The following KCNH2 variants were observed in gnomAD, a reference collection of about 807,000 sequenced individuals.
The protein encoded by KCNH2 is potassium voltage-gated channel subfamily H member 2.
KCNH2 carries 35 observed loss-of-function variants against 95.9 expected under a neutral mutation model. That is an observed-to-expected ratio of 0.37 (90% CI 0.28 to 0.48). KCNH2 has a LOEUF of 0.48. Among genes scored for constraint, KCNH2 ranks in the 20% least tolerant of loss-of-function variants. The pLI is 0.99. For missense variants in KCNH2, 1,274 were observed against 1,702.9 expected (o/e 0.75, Z 4.43); for synonymous variants, 786 against 754.7 (o/e 1.04, Z -0.68).
At position 150,977,951 on chromosome 7, in the gene KCNH2, C is replaced by CCCCGG. The variant is rs747534042; in HGVS notation, c.-43_-39dup. 209 of 1,434,908 alleles carry CCCCGG rather than the reference C, an allele frequency of 1.5e-4. No individual in the cohort carries two copies. The highest frequency in any genetic ancestry group is 6.2e-4 in the South Asian group (50 of 80,366). 88.9% of individuals were successfully genotyped at this position (1,434,908 alleles called of 1,614,324 possible). A position where few individuals can be genotyped will look rare whatever the true frequency, so the allele number is the denominator to read the frequency against. On this transcript the variant is annotated 5_prime_UTR_variant, in exon 1 of 15. Coordinates refer to ENST00000262186, the MANE Select transcript of KCNH2 (RefSeq NM_000238.4). ...GGCGGGCCGGGCGGGCCCCCACCCA[C>CCCCGG]CCCGGCCCGGCCCGGCCCAGCACTA...
chr7:150,956,758 C>T (rs371254696), intron 5 of KCNH2, among the ~76,000 whole-genome samples: 25 of 152,288 alleles, frequency 1.6e-4, no homozygotes, highest in African/African-American at 6.0e-4. Context: ...TTGGGCCCCT[C>T]GAGGCCATCC....
chr7:150,954,971 C>A (rs1196196718), intron 5 of KCNH2, among the ~76,000 whole-genome samples: 1 of 152,252 alleles, frequency 6.6e-6, no homozygotes, highest in Non-Finnish European at 1.5e-5. Context: ...CCTTTGCCCA[C>A]AGGGTCCAAC....
Position 150,951,467 on chromosome 7 carries a change from G to A in KCNH2, c.1926C>T (p.Ile642=). ...PNTNSEKIFS[I]CVMLIGSLMY... The stretch of plus-strand genomic sequence containing the variant: ...ACTCACAGCCAATGAGCATGACGCA[G>A]ATGGAGAAGATCTTCTCTGAGTTGG... The change falls in exon 7 of 15, where the codon ATC becomes ATT. Residue 642 remains isoleucine, a synonymous_variant. Transcript: ENST00000262186. 6.2e-7 allele frequency: 1 copy of A among 1,614,162 alleles called. No individual in the cohort carries two copies. The highest frequency in any genetic ancestry group is 1.1e-5 in the South Asian group (1 of 91,086).
chr7:150,945,453 C>G lies in KCNH2; in HGVS notation c.3392G>C (p.Gly1131Ala). 1 of 1,561,246 alleles carries G rather than the reference C, an allele frequency of 6.4e-7. No individual in the cohort carries two copies. Among genetic ancestry groups the G allele is most frequent in the Non-Finnish European group, 8.7e-7 (1 of 1,153,438 alleles). The change falls in exon 15 of 15, where the codon GGC (glycine) becomes GCC (alanine). Residue 1131 changes from glycine to alanine, a missense_variant. This residue lies in a region of KCNH2 where 457 missense variants were observed against 416.1 expected (regional missense o/e 1.10). Transcript: ENST00000262186. The surrounding 1 kb of genome is among the most constrained non-coding windows in gnomAD (Gnocchi z 5.6). ...CGGTAGGGAGAGGCGTCGTGTGGGGCCTTCTTGGGGAAGCTCTGGGGCCCC... is the reference window on the plus strand; with the variant it reads ...CGGTAGGGAGAGGCGTCGTGTGGGGGCTTCTTGGGGAAGCTCTGGGGCCCC... ...PPGAPELPQE[G>A]PTRRLSLPGQ... is the part of the protein sequence containing the mutation.
chr7:150,975,360 C>T (rs1165179926), intron 1 of KCNH2, among the ~76,000 whole-genome samples: 1 of 152,208 alleles, frequency 6.6e-6, no homozygotes, highest in Non-Finnish European at 1.5e-5. Flanking sequence ...TGCATCGGCT[C>T]TCTGGATTCT....
intron 2 of KCNH2, among the ~76,000 whole-genome samples, chr7:150,966,332 T>C (rs1801700646): frequency 6.7e-6 from 1 of 149,468 alleles, no homozygotes; most frequent in African/African-American, 2.5e-5. Flanking sequence ...AGCTCTGCCA[T>C]GAGTCACAGC....
intron 5 of KCNH2, chr7:150,955,673 G>A: frequency 1.4e-6 from 2 of 1,397,854 alleles, no homozygotes; most frequent in Non-Finnish European, 1.9e-6. Context: ...TGGGCCCCAG[G>A]GCTGGGGTCA....
chr7:150,974,104 G>C (rs1190199910), intron 2 of KCNH2, among the ~76,000 whole-genome samples: 1 of 152,248 alleles, frequency 6.6e-6, no homozygotes, highest in African/African-American at 2.4e-5. Flanking sequence ...TGGCGCAGGA[G>C]AGGGTGGCAG....
At chr7:150,976,055 G>A (rs1382069300) in intron 1 of KCNH2, among the ~76,000 whole-genome samples, 2 of 152,238 alleles carry the variant, frequency 1.3e-5, no homozygotes, top group Non-Finnish European at 2.9e-5. Context: ...CCTCACTTGT[G>A]CCAGGCAAGA....
At chr7:150,957,193 G>A in intron 5 of KCNH2, 98 bp downstream of exon 5, 1 of 1,034,720 alleles carries the variant, frequency 9.7e-7, no homozygotes, top group Non-Finnish European at 1.5e-6. Context: ...GGCCCTCACT[G>A]GCTAGCCCCC....
At chr7:150,955,194 G>C (rs1801324438) in intron 5 of KCNH2, among the ~76,000 whole-genome samples, 1 of 152,242 alleles carries the variant, frequency 6.6e-6, no homozygotes, top group African/African-American at 2.4e-5. Flanking sequence ...GGAAGTCCCA[G>C]CAACGGAAAC....
rs375112881 is a variant in KCNH2, at chr7:150,952,716, A to G, written c.1266T>C (p.Ala422=). ...AGGCAGCCGAGTAGGGTGTGAAGAC[A>G]GCCGTGTAGATGACCAGCAGCAGGA... The part of the protein sequence containing the change: ...WLILLLVIYT[A]VFTPYSAAFL... Residue 422 remains alanine, a synonymous_variant, in exon 6 of 15, where the codon GCT becomes GCC. Transcript: ENST00000262186. This position sits in a 1 kb window ranked among gnomAD's most constrained non-coding sequence, Gnocchi z 7.3. 6 of 1,614,166 alleles carry G rather than the reference A, an allele frequency of 3.7e-6. No homozygotes were observed. In the African/African-American group the frequency reaches 4.0e-5, roughly 11 times the overall value.
Position 150,961,236 on chromosome 7 carries a change from G to A in KCNH2, c.308-1500C>T, listed in dbSNP as rs1049214368. Among the ~76,000 whole-genome samples the A allele has an allele frequency of 6.6e-6, 1 of 152,160 alleles. No homozygotes were observed. ...GCTGACAGGGAGGCTGCAGGCATGGGGGAGAGGCAAGGGTGACAAACCATG... is the reference window on the plus strand; with the variant it reads ...GCTGACAGGGAGGCTGCAGGCATGGAGGAGAGGCAAGGGTGACAAACCATG... On this transcript the variant is annotated intron_variant, in intron 2 of 14. Transcript: ENST00000262186. The surrounding 1 kb of genome is among the most constrained non-coding windows in gnomAD (Gnocchi z 6.2).
chr7:150,958,231 G>C lies in KCNH2; in HGVS notation c.744C>G (p.Leu248=), dbSNP rs1584865603. The C allele has an allele frequency of 7.2e-7, 1 of 1,392,280 alleles. No individual in the cohort carries two copies. The highest frequency in any genetic ancestry group is 9.3e-7 in the Non-Finnish European group (1 of 1,076,054). The allele number at this position is 1,392,280 out of a possible 1,614,324, so 86.2% of individuals were successfully genotyped here. ...TGAGGCTGTGCGCCCGGGGCGATGGGAGCTGGCCGGGCGCGCTGCGGGGCG... is the reference window on the plus strand; with the variant it reads ...TGAGGCTGTGCGCCCGGGGCGATGGCAGCTGGCCGGGCGCGCTGCGGGGCG... ...GSPPRSAPGQ[L]PSPRAHSLNP... The change falls in exon 4 of 15, where the codon CTC becomes CTG. Residue 248 remains leucine, a synonymous_variant. Transcript: ENST00000262186.
chr7:150,955,413 T>G, intron 5 of KCNH2: 7 of 1,562,918 alleles, frequency 4.5e-6, no homozygotes, highest in Non-Finnish European at 6.1e-6. Flanking sequence ...GCCACGAGGC[T>G]GGAGATGCGC....
intron 9 of KCNH2, 174 bp downstream of exon 9, chr7:150,949,994 G>GT: frequency 1.3e-6 from 2 of 1,556,196 alleles, no homozygotes; most frequent in Non-Finnish European, 1.7e-6. Context: ...CCCCACGTGG[G>GT]GCTCCTCTCC....
rs1347319655 is a variant in KCNH2, at chr7:150,946,582, G to A, written c.3330+295C>T. On this transcript the variant is annotated intron_variant, in intron 14 of 14. Coordinates refer to ENST00000262186, the MANE Select transcript of KCNH2 (RefSeq NM_000238.4). This position sits in a 1 kb window ranked among gnomAD's most constrained non-coding sequence, Gnocchi z 6.5. The stretch of plus-strand genomic sequence containing the variant: ...GCTGGCTCTTCAGGCGATGCTCCGG[G>A]GCCTGGCGGTGGAGGCTGTGGACAC... Among the ~76,000 whole-genome samples, 1 of 152,206 alleles carries A rather than the reference G, an allele frequency of 6.6e-6. No homozygotes were observed. The highest frequency in any genetic ancestry group is 6.5e-5 in the Admixed American group (1 of 15,290).
At chr7:150,953,972 C>T (rs76342252) in intron 5 of KCNH2, among the ~76,000 whole-genome samples, 2,953 of 152,346 alleles carry the variant, frequency 0.019, 91 homozygotes, top group African/African-American at 0.067. Flanking sequence ...CATACTCAAG[C>T]TGGGCTTGCC....
Position 150,946,793 on chromosome 7 carries a change from G to C in KCNH2, c.3330+84C>G. On this transcript the variant is annotated intron_variant, in intron 14 of 14. Coordinates refer to ENST00000262186, the MANE Select transcript of KCNH2 (RefSeq NM_000238.4). This position sits in a 1 kb window ranked among gnomAD's most constrained non-coding sequence, Gnocchi z 6.5. ...CAGGGAGGCTGGGCCACAGAGCCCA[G>C]CAGAAAGGCAGCAAAGCAGGTTTGG... The C allele has an allele frequency of 7.6e-7, 1 of 1,323,976 alleles. No homozygotes were observed. The highest frequency in any genetic ancestry group is 1.1e-6 in the Non-Finnish European group (1 of 945,488). The allele number at this position is 1,323,976 out of a possible 1,614,324, so 82.0% of individuals were successfully genotyped here. A position where few individuals can be genotyped will look rare whatever the true frequency, so the allele number is the denominator to read the frequency against.
Sources: gnomAD v4.1 joint callset for allele counts (sites outside exome capture counted in the v4.1 genomes callset) on GRCh38, gnomAD v4.1.1 for gene constraint, gnomAD v4.1.1 regional missense constraint, Gnocchi (gnomAD v3.1) non-coding constraint, MANE v1.5 for transcripts, NCBI Gene and HGNC (gene_info 2026-07-23, HGNC 2026-07-21) for gene names.